Variants in GALNTL6 observed in about 807,000 individuals in gnomAD.
GALNTL6 encodes polypeptide N-acetylgalactosaminyltransferase-like 6.
Under a neutral mutation model 73.7 loss-of-function variants are expected in GALNTL6, and 46 were observed. The ratio of observed to expected loss-of-function variants is 0.62; its 90% CI spans 0.49 to 0.80. The LOEUF is 0.80. Among genes scored for constraint, GALNTL6 ranks in the 30% least tolerant of loss-of-function variants. The pLI is 0.00. For synonymous variants in GALNTL6, 259 were observed against 263.7 expected, an observed-to-expected ratio of 0.98 and a Z score of 0.17; for missense variants, 604 against 755.0, an observed-to-expected ratio of 0.80 and a Z score of 2.34.
At position 172,690,670 on chromosome 4, in the gene GALNTL6, C is replaced by T. The variant is rs191322200; in HGVS notation, c.554-118691C>T. 2.7e-3 allele frequency among the ~76,000 whole-genome samples: 413 copies of T among 152,224 alleles called. 2 individuals carry two copies. Among genetic ancestry groups the T allele is most frequent in the Middle Eastern group, 3.4e-3 (1 of 294 alleles). On this transcript the variant is annotated intron_variant, in intron 5 of 12. Coordinates refer to ENST00000506823, the MANE Select transcript of GALNTL6 (RefSeq NM_001034845.3). ...GATTACTCTCATGTACTTCCTTAGA[C>T]GGAAAAGTGACCAAATGCACTTGAG... is the stretch of plus-strand genomic sequence containing the variant.
chr4:172,729,806 T>C (rs1736042581), intron 5 of GALNTL6, among the ~76,000 whole-genome samples: 1 of 152,218 alleles, frequency 6.6e-6, no homozygotes, highest in Admixed American at 6.5e-5. Flanking sequence ...ATTGAATATG[T>C]AAATTACTTT....
intron 5 of GALNTL6, among the ~76,000 whole-genome samples, chr4:172,402,495 G>A (rs1305409042): frequency 1.3e-5 from 2 of 152,018 alleles, no homozygotes; most frequent in African/African-American, 2.4e-5. Flanking sequence ...TTACTGGAAC[G>A]GTGAAGGATA....
Position 172,290,097 on chromosome 4 carries a change from C to T in GALNTL6, c.248-21517C>T, listed in dbSNP as rs1035663964. 7.9e-5 allele frequency among the ~76,000 whole-genome samples: 12 copies of T among 152,072 alleles called. 1 individual carries two copies. The highest frequency in any genetic ancestry group is 1.4e-4 in the African/African-American group (6 of 41,416). The stretch of plus-strand genomic sequence containing the variant: ...TATCTGCTTTATTTGGGAAAGAAAA[C>T]CATTGCAACTGTAGGTATAGGGACT... On this transcript the variant is annotated intron_variant, in intron 3 of 12. Transcript: ENST00000506823.
At chr4:172,871,588 TG>T (rs199889170) in intron 7 of GALNTL6, among the ~76,000 whole-genome samples, 6 of 121,846 alleles carry the variant, frequency 4.9e-5, no homozygotes, top group African/African-American at 5.6e-5. Context: ...TCTCTGACTC[TG>T]GGGGGGGTGT....
intron 2 of GALNTL6, among the ~76,000 whole-genome samples, chr4:172,104,458 G>A (rs951653498): frequency 6.6e-6 from 1 of 152,086 alleles, no homozygotes; most frequent in Non-Finnish European, 1.5e-5. Context: ...GGGAAACAAG[G>A]TTGTAGTAAA....
chr4:172,666,546 G>A (rs1480711121), intron 5 of GALNTL6, among the ~76,000 whole-genome samples: 1 of 152,114 alleles, frequency 6.6e-6, no homozygotes, highest in Non-Finnish European at 1.5e-5. Context: ...CGTCTGCCCA[G>A]CAACTGCTTG....
At chr4:172,665,816 A>T (rs935197652) in intron 5 of GALNTL6, among the ~76,000 whole-genome samples, 5 of 152,134 alleles carry the variant, frequency 3.3e-5, no homozygotes, top group Non-Finnish European at 5.9e-5. Context: ...CATTCTACTA[A>T]TGATTTTTGT....
chr4:172,952,118 T>TC lies in GALNTL6; in HGVS notation c.1233dup (p.Thr412HisfsTer32). ...GCGGCGGCCGGAGTACAGGCATCTC[T>TC]CCACGGGGGACATCTCTGCCCAGAA... On this transcript the variant is annotated frameshift_variant, in exon 10 of 13. Transcript: ENST00000506823. LOFTEE classifies it high-confidence loss of function. 6.2e-7 allele frequency: 1 copy of TC among 1,614,106 alleles called. No individual in the cohort carries two copies. The highest frequency in any genetic ancestry group is 8.5e-7 in the Non-Finnish European group (1 of 1,179,996).
intron 5 of GALNTL6, among the ~76,000 whole-genome samples, chr4:172,683,666 T>C (rs1732758587): frequency 6.6e-6 from 1 of 152,148 alleles, no homozygotes; most frequent in South Asian, 2.1e-4. Flanking sequence ...CAGTCAGAAA[T>C]GTAAAGGAAG....
intron 5 of GALNTL6, among the ~76,000 whole-genome samples, chr4:172,754,267 A>G (rs78710172): frequency 6.6e-6 from 1 of 152,172 alleles, no homozygotes; most frequent in South Asian, 2.1e-4. Context: ...AGGAAGAGAG[A>G]CAGAATATAA....
chr4:172,615,523 G>A (rs1160791557), intron 5 of GALNTL6, among the ~76,000 whole-genome samples: 1 of 152,036 alleles, frequency 6.6e-6, no homozygotes, highest in African/African-American at 2.4e-5. Context: ...CACAAATTAA[G>A]CTAATTTTAT....
chr4:172,033,909 T>C (rs886833785), intron 2 of GALNTL6, among the ~76,000 whole-genome samples: 1 of 152,124 alleles, frequency 6.6e-6, no homozygotes, highest in Non-Finnish European at 1.5e-5. Flanking sequence ...ATTATCTGTG[T>C]ATATCCTAAT....
chr4:172,374,891 C>G (rs1742971006), intron 5 of GALNTL6, among the ~76,000 whole-genome samples: 1 of 152,178 alleles, frequency 6.6e-6, no homozygotes, highest in South Asian at 2.1e-4. Context: ...ATCTATGTAC[C>G]TATCAGGATC....
At chr4:172,207,696 GACCTTCAGT>G (rs1282310858) in intron 2 of GALNTL6, among the ~76,000 whole-genome samples, 4 of 152,070 alleles carry the variant, frequency 2.6e-5, no homozygotes, top group African/African-American at 9.7e-5. Flanking sequence ...CTAGCTATGT[GACCTTCAGT>G]ACTTGAATTC....
rs148043630 is a variant in GALNTL6, at chr4:172,940,422, G to A, written c.1149+9154G>A. Among the ~76,000 whole-genome samples the A allele has an allele frequency of 7.7e-3, 1,168 of 152,076 alleles. 13 individuals are homozygous for A. The highest frequency in any genetic ancestry group is 0.026 in the African/African-American group (1,092 of 41,490). On this transcript the variant is annotated intron_variant, in intron 9 of 12. Coordinates refer to ENST00000506823, the MANE Select transcript of GALNTL6 (RefSeq NM_001034845.3). ...CTGTCACCCAGGCTGGAGTGAAGTG[G>A]CGTGATCTTGGCTCACTGCAACCTC...
At chr4:172,113,108 T>C (rs557199810) in intron 2 of GALNTL6, among the ~76,000 whole-genome samples, 4 of 152,086 alleles carry the variant, frequency 2.6e-5, no homozygotes, top group African/African-American at 4.8e-5. Context: ...TTAGCATTTT[T>C]TAGAATGTCT....
rs776886257 is a variant in GALNTL6, at chr4:172,229,636, A to C, written c.139-20A>C. On this transcript the variant is annotated intron_variant, in intron 2 of 12. Coordinates refer to ENST00000506823, the MANE Select transcript of GALNTL6 (RefSeq NM_001034845.3). ...AGGAAATACCTCCTTTTTATGCTTG[A>C]ATACTTTCCTTTTCCACAGACATTT... 1 of 1,518,722 alleles carries C rather than the reference A, an allele frequency of 6.6e-7. No individual in the cohort carries two copies. Among genetic ancestry groups the C allele is most frequent in the South Asian group, 1.1e-5 (1 of 88,624 alleles). 94.1% of individuals were successfully genotyped at this position (1,518,722 alleles called of 1,614,324 possible).
chr4:172,661,678 C>A (rs2111180609), intron 5 of GALNTL6, among the ~76,000 whole-genome samples: 1 of 152,296 alleles, frequency 6.6e-6, no homozygotes, highest in Admixed American at 6.5e-5. Flanking sequence ...CCAAAAATGT[C>A]TCTTCCAAAG....
rs376015577 is a variant in GALNTL6 at position 172,658,406 on chromosome 4, G to C, written c.554-150955G>C. Among the ~76,000 whole-genome samples the C allele has an allele frequency of 6.7e-5, 10 of 149,302 alleles. 1 individual carries two copies. The South Asian group carries it at 2.1e-3, about 32-fold the overall frequency. On this transcript the variant is annotated intron_variant, in intron 5 of 12. Transcript: ENST00000506823. ...GGCGTGAATCCGGGAGGCGGAGCTT[G>C]TAGTGAGCCGAGATCGCACCACTGC...
Sources: allele counts gnomAD v4.1 joint callset (sites outside exome capture counted in the v4.1 genomes callset), GRCh38; gene constraint gnomAD v4.1.1; transcripts MANE v1.5; gene names NCBI Gene and HGNC (gene_info 2026-07-23, HGNC 2026-07-21).